EDEM2: variants seen among roughly 807,000 people sequenced by gnomAD.
EDEM2 encodes ER degradation-enhancing alpha-mannosidase-like protein 2.
In EDEM2, 39 loss-of-function variants were observed where a neutral mutation model predicts 64.8. The observed-to-expected ratio is 0.60, with a 90% CI of 0.47 to 0.79. The LOEUF is 0.79. Among genes scored for constraint, EDEM2 ranks in the 30% least tolerant of loss-of-function variants. The probability of loss-of-function intolerance (pLI) is 0.00; values close to 1 mark genes in which losing one functional copy is unlikely to be tolerated. For missense variants in EDEM2, 609 were observed against 731.3 expected (o/e 0.83, Z 1.93); for synonymous variants, 296 against 291.5 (o/e 1.02, Z -0.16).
chr20:35,134,140 C>T, intron 6 of EDEM2: 1 of 456,182 alleles, frequency 2.2e-6, no homozygotes. Context: ...TGTTCAATTT[C>T]CATGGGTTAA....
chr20:35,119,141 A>C (rs1429705722), intron 9 of EDEM2, among the ~76,000 whole-genome samples: 1 of 152,242 alleles, frequency 6.6e-6, no homozygotes, highest in Non-Finnish European at 1.5e-5. Flanking sequence ...ATAAGCCCAG[A>C]ACATGAGAGA....
intron 7 of EDEM2, among the ~76,000 whole-genome samples, chr20:35,129,729 T>G (rs754291927): frequency 1.9e-4 from 29 of 152,232 alleles, no homozygotes; most frequent in Non-Finnish European, 3.5e-4. Context: ...CAACTTCCTG[T>G]CCTGTGAACT....
intron 5 of EDEM2, among the ~76,000 whole-genome samples, chr20:35,137,336 T>C (rs964638720): frequency 6.6e-6 from 1 of 152,114 alleles, no homozygotes; most frequent in Non-Finnish European, 1.5e-5. Flanking sequence ...AAAGAATTGC[T>C]TGAACCCAGG....
intron 4 of EDEM2, among the ~76,000 whole-genome samples, chr20:35,141,311 G>A (rs1271714903): frequency 6.6e-6 from 1 of 152,070 alleles, no homozygotes; most frequent in East Asian, 1.9e-4. Context: ...ACTACAGAAA[G>A]ATGGAAAGGA....
chr20:35,116,738 G>A (rs2085313913), intron 10 of EDEM2, among the ~76,000 whole-genome samples: 1 of 151,998 alleles, frequency 6.6e-6, no homozygotes, highest in African/African-American at 2.4e-5. Context: ...TCGTGAAAAT[G>A]GATCACCATT....
chr20:35,140,161 C>T (rs1279428544), intron 4 of EDEM2, among the ~76,000 whole-genome samples: 2 of 152,100 alleles, frequency 1.3e-5, no homozygotes, highest in African/African-American at 4.8e-5. Context: ...GAGAAAAGGT[C>T]TGAGACACGA....
intron 7 of EDEM2, among the ~76,000 whole-genome samples, chr20:35,131,432 T>A (rs1378456524): frequency 6.6e-6 from 1 of 152,074 alleles, no homozygotes; most frequent in Non-Finnish European, 1.5e-5. Context: ...GCGCCTGTAG[T>A]CCACACCATC....
chr20:35,129,178 G>A (rs1473099001), intron 7 of EDEM2, among the ~76,000 whole-genome samples: 2 of 152,120 alleles, frequency 1.3e-5, no homozygotes, highest in Non-Finnish European at 2.9e-5. Context: ...AGGCCGAGGC[G>A]GGTGGATTGC....
chr20:35,137,167 C>A (rs984170390), intron 5 of EDEM2, among the ~76,000 whole-genome samples: 2 of 152,166 alleles, frequency 1.3e-5, no homozygotes, highest in Non-Finnish European at 2.9e-5. Context: ...CCTGTAATCC[C>A]AGCACTTTGG....
chr20:35,146,034 T>A (rs1316771260), intron 2 of EDEM2, among the ~76,000 whole-genome samples: 1 of 151,350 alleles, frequency 6.6e-6, no homozygotes, highest in Non-Finnish European at 1.5e-5. Flanking sequence ...AGAGTGTATT[T>A]TATTATATGT....
chr20:35,116,444 C>T (rs1600698344), intron 10 of EDEM2, among the ~76,000 whole-genome samples: 1 of 152,204 alleles, frequency 6.6e-6, no homozygotes, highest in African/African-American at 2.4e-5. Context: ...TCTTACCACT[C>T]TAAGAGCTCC....
Position 35,146,878 on chromosome 20 carries a change from A to G in EDEM2, c.165T>C (p.Phe55=). ...HAYDSYLENA[F]PFDELRPLTC... ...TGAGAGGTCGCAGCTCATCGAAGGGAAAGGCATTCTCCAGGTAGCTGTCGT... is the reference window on the plus strand; with the variant it reads ...TGAGAGGTCGCAGCTCATCGAAGGGGAAGGCATTCTCCAGGTAGCTGTCGT... The change falls in exon 2 of 11, where the codon TTT becomes TTC. Residue 55 remains phenylalanine, a synonymous_variant. Coordinates refer to ENST00000374492, the MANE Select transcript of EDEM2 (RefSeq NM_018217.3). 1.2e-6 allele frequency: 2 copies of G among 1,614,090 alleles called. No individual in the cohort carries two copies. The highest frequency in any genetic ancestry group is 1.3e-5 in the African/African-American group (1 of 75,012).
chr20:35,128,026 TAAAC>T (rs999250326), intron 7 of EDEM2, among the ~76,000 whole-genome samples: 18 of 152,228 alleles, frequency 1.2e-4, no homozygotes, highest in Non-Finnish European at 2.5e-4. Flanking sequence ...TGATATTTAA[TAAAC>T]AACCATTTAC....
chr20:35,125,381 AT>A (rs1158698240), intron 8 of EDEM2, among the ~76,000 whole-genome samples: 1 of 150,644 alleles, frequency 6.6e-6, no homozygotes. Context: ...TTTTATTTTT[AT>A]TTATTTATTT....
intron 9 of EDEM2, among the ~76,000 whole-genome samples, chr20:35,121,405 G>A (rs183536540): frequency 6.0e-4 from 92 of 152,264 alleles, no homozygotes; most frequent in African/African-American, 2.1e-3. Context: ...GACAAGAGGC[G>A]GAGCTCAGGC....
At position 35,142,397 on chromosome 20, in the gene EDEM2, A is replaced by G; in HGVS notation, c.340T>C (p.Ser114Pro). ...SVDFDIDVNA[S>P]VFETNIRVVG... is the part of the protein sequence containing the mutation. ...CCTCGAATGTTTGTTTCAAACACAG[A>G]GGCGTTCACATCAATATCAAAGTCC... Residue 114 changes from serine (S) to proline (P), a missense_variant, in exon 4 of 11, where the codon TCT becomes CCT. Coordinates refer to ENST00000374492, the MANE Select transcript of EDEM2 (RefSeq NM_018217.3). 1.2e-6 allele frequency: 2 copies of G among 1,613,942 alleles called. No homozygotes were observed.
At chr20:35,123,498 A>G (rs774880869) in intron 9 of EDEM2, among the ~76,000 whole-genome samples, 5 of 152,166 alleles carry the variant, frequency 3.3e-5, no homozygotes, top group Admixed American at 6.5e-5. Flanking sequence ...AGGCTGAGGC[A>G]GGAGAATCGC....
At chr20:35,140,398 C>G (rs938909710) in intron 4 of EDEM2, among the ~76,000 whole-genome samples, 1 of 152,004 alleles carries the variant, frequency 6.6e-6, no homozygotes, top group Non-Finnish European at 1.5e-5. Flanking sequence ...GCAGGAGAAT[C>G]GTTTAAACCC....
chr20:35,127,342 C>G (rs947568619), intron 7 of EDEM2, among the ~76,000 whole-genome samples: 3 of 152,154 alleles, frequency 2.0e-5, no homozygotes, highest in African/African-American at 7.2e-5. Flanking sequence ...ATTTATACCA[C>G]AAACATTCGC....
Sources: gnomAD v4.1 joint callset for allele counts (sites outside exome capture counted in the v4.1 genomes callset) on GRCh38, gnomAD v4.1.1 for gene constraint, MANE v1.5 for transcripts, NCBI Gene and HGNC (gene_info 2026-07-23, HGNC 2026-07-21) for gene names.